NFKB1: variants seen among roughly 807,000 people sequenced by gnomAD.
The protein encoded by NFKB1 is nuclear factor kappa B subunit 1, also known as nuclear factor NF-kappa-B p105 subunit.
In NFKB1, 9 loss-of-function variants were observed where a neutral mutation model predicts 105.1. The ratio of observed to expected loss-of-function variants is 0.09; its 90% confidence interval spans 0.05 to 0.15. NFKB1 has a LOEUF of 0.15. NFKB1 is among the 10% of genes least tolerant of loss of function. The probability of loss-of-function intolerance (pLI) is 1.00; values close to 1 mark genes in which losing one functional copy is unlikely to be tolerated. For missense variants in NFKB1, 830 were observed against 1,203.7 expected, an observed-to-expected ratio of 0.69 and a Z score of 4.59; for synonymous variants, 440 against 442.2, an observed-to-expected ratio of 1.00 and a Z score of 0.06.
intron 16 of NFKB1, among the ~76,000 whole-genome samples, chr4:102,601,822 C>T (rs1323094457): frequency 6.6e-6 from 1 of 152,194 alleles, no homozygotes; most frequent in African/African-American, 2.4e-5. Context: ...AGATGGGGTT[C>T]GGCTCCTGAG....
chr4:102,560,810 G>A (rs747156820), intron 5 of NFKB1, among the ~76,000 whole-genome samples: 1 of 152,106 alleles, frequency 6.6e-6, no homozygotes, highest in Non-Finnish European at 1.5e-5. Flanking sequence ...AGGGACTTTC[G>A]GAGGCCCAAG....
intron 5 of NFKB1, among the ~76,000 whole-genome samples, chr4:102,557,884 T>C (rs1723107758): frequency 6.6e-6 from 1 of 152,104 alleles, no homozygotes; most frequent in African/African-American, 2.4e-5. Flanking sequence ...GTTAGATTCC[T>C]TTTTACCAGA....
At position 102,505,880 on chromosome 4, in the gene NFKB1, T is replaced by G. The variant is rs1411805965; in HGVS notation, c.-8+4092T>G. On this transcript the variant is annotated intron_variant, in intron 1 of 23. Transcript: ENST00000226574. ...AATGATATGAAGTTGTTGCAAAATT[T>G]TTTTTTAAATGGACAGCCATCTTCT... 2.0e-5 allele frequency among the ~76,000 whole-genome samples: 3 copies of G among 152,270 alleles called. No homozygotes were observed. In the East Asian group the frequency reaches 5.8e-4, roughly 29 times the overall value.
intron 2 of NFKB1, among the ~76,000 whole-genome samples, chr4:102,528,925 C>T (rs975215120): frequency 6.6e-6 from 1 of 152,024 alleles, no homozygotes; most frequent in South Asian, 2.1e-4. Flanking sequence ...TTCCTTCTTG[C>T]AGCTCTCATC....
At chr4:102,610,833 A>G in intron 20 of NFKB1, 134 bp downstream of exon 20, 1 of 1,172,826 alleles carries the variant, frequency 8.5e-7, no homozygotes, top group Non-Finnish European at 1.2e-6. Context: ...TCTGTTTGTC[A>G]GAGACCATTT....
At chr4:102,612,021 T>C in intron 20 of NFKB1, 23 bp from the exon 21 acceptor site, 1 of 1,603,580 alleles carries the variant, frequency 6.2e-7, no homozygotes, top group African/African-American at 1.3e-5. Context: ...TATAACGATT[T>C]CTGGTGTTTT....
intron 6 of NFKB1, among the ~76,000 whole-genome samples, chr4:102,569,196 G>A (rs1310516678): frequency 6.6e-6 from 1 of 152,082 alleles, no homozygotes; most frequent in East Asian, 1.9e-4. Flanking sequence ...TTGCATTTAT[G>A]TAGAAAGAAC....
Position 102,587,457 on chromosome 4 carries a change from T to C in NFKB1, c.1066+2637T>C, listed in dbSNP as rs758502758. Among the ~76,000 whole-genome samples, 3 of 152,048 alleles carry C rather than the reference T, an allele frequency of 2.0e-5. 1 individual carries two copies. Among genetic ancestry groups the C allele is most frequent in the African/African-American group, 4.8e-5 (2 of 41,374 alleles). ...ACCTAGAAACATTCAAAGCTCAGCT[T>C]GGTATCTAGGCTGCCTGTCTCCCTT... On this transcript the variant is annotated intron_variant, in intron 11 of 23. Transcript: ENST00000226574.
At chr4:102,581,596 G>A (rs1725317729) in intron 9 of NFKB1, among the ~76,000 whole-genome samples, 1 of 152,114 alleles carries the variant, frequency 6.6e-6, no homozygotes, top group East Asian at 1.9e-4. Flanking sequence ...TGAGGCTGTA[G>A]TGAGCTATTA....
chr4:102,507,023 GTAACTAATATAATTATATTTAATATA>G (rs1739460625), intron 1 of NFKB1, among the ~76,000 whole-genome samples: 1 of 145,266 alleles, frequency 6.9e-6, no homozygotes, highest in Non-Finnish European at 1.5e-5. Flanking sequence ...ATACATATTT[GTAACTAATATAATTATATTTAATATA>G]TATTAGTTAC....
intron 2 of NFKB1, 28 bp from the exon 3 acceptor site, chr4:102,529,808 T>G: frequency 2.0e-6 from 3 of 1,487,678 alleles, no homozygotes; most frequent in Non-Finnish European, 1.9e-6. Flanking sequence ...AAATAATGAT[T>G]GAAACATTTA....
chr4:102,524,196 T>C (rs996208923), intron 1 of NFKB1, among the ~76,000 whole-genome samples: 5 of 152,086 alleles, frequency 3.3e-5, no homozygotes, highest in African/African-American at 1.2e-4. Context: ...AGGAAGTAAA[T>C]CTCAAATGAT....
At chr4:102,533,965 T>G (rs745758938) in intron 4 of NFKB1, 80 bp downstream of exon 4, 46 of 1,201,864 alleles carry the variant, frequency 3.8e-5, no homozygotes, top group Non-Finnish European at 5.1e-5. Context: ...GAATAGTAAA[T>G]GAGTTCTATG....
intron 5 of NFKB1, among the ~76,000 whole-genome samples, chr4:102,551,445 C>G (rs1253563636): frequency 6.6e-6 from 1 of 151,942 alleles, no homozygotes; most frequent in African/African-American, 2.4e-5. Flanking sequence ...CACCTCCTGG[C>G]TAGATAGTCT....
At position 102,584,938 on chromosome 4, in the gene NFKB1, A is replaced by G. The variant is rs1598858; in HGVS notation, c.1066+118A>G. ...ACTCTGTTGCCCAGGCTGGAGTGCA[A>G]TGGTGCAATCATAGCTCACTGCAAC... On this transcript the variant is annotated intron_variant, in intron 11 of 23. Coordinates refer to ENST00000226574, the MANE Select transcript of NFKB1 (RefSeq NM_003998.4). 304,870 of 932,304 alleles carry G rather than the reference A, an allele frequency of 0.33. 53,844 individuals are homozygous for G. Among genetic ancestry groups the G allele is most frequent in the Admixed American group, 0.46 (16,531 of 35,764 alleles). The allele number at this position is 932,304 out of a possible 1,614,324, so 57.8% of individuals were successfully genotyped here. A position where few individuals can be genotyped will look rare whatever the true frequency, so the allele number is the denominator to read the frequency against.
rs199963002 is a variant in NFKB1 at position 102,520,396 on chromosome 4, AG to A, written c.-7-5115del. 5.8e-3 allele frequency among the ~76,000 whole-genome samples: 891 copies of A among 152,324 alleles called. 6 individuals are homozygous for A. The highest frequency in any genetic ancestry group is 0.019 in the African/African-American group (810 of 41,574). ...CTGTGTATTATACTCGGTGTTAATA[AG>A]CTTTGTATGAACTCACTAGCTGAAT... On this transcript the variant is annotated intron_variant, in intron 1 of 23. Transcript: ENST00000226574.
chr4:102,614,916 A>G (rs1728800191), intron 23 of NFKB1, among the ~76,000 whole-genome samples: 1 of 152,026 alleles, frequency 6.6e-6, no homozygotes, highest in South Asian at 2.1e-4. Context: ...ACAAAACCCA[A>G]GAATTCCTCA....
chr4:102,607,867 G>C lies in NFKB1; in HGVS notation c.2227+116G>C, dbSNP rs4648100. On this transcript the variant is annotated intron_variant, in intron 19 of 23. Transcript: ENST00000226574. ...CCACAGACCTACTGCTGAAAAACAA[G>C]GGTAAATAAAAATTATATGGCAAAT... 7.7e-4 allele frequency: 651 copies of C among 850,714 alleles called. 2 individuals carry two copies. The African/African-American group carries it at 9.5e-3, about 12-fold the overall frequency. 52.7% of individuals were successfully genotyped at this position (850,714 alleles called of 1,614,324 possible). A position where few individuals can be genotyped will look rare whatever the true frequency, so the allele number is the denominator to read the frequency against.
intron 23 of NFKB1, among the ~76,000 whole-genome samples, chr4:102,615,665 C>T (rs1395906933): frequency 6.6e-6 from 1 of 152,146 alleles, no homozygotes; most frequent in African/African-American, 2.4e-5. Context: ...TTTAGGATAT[C>T]GCATAGTTTG....
Sources: allele counts gnomAD v4.1 joint callset (sites outside exome capture counted in the v4.1 genomes callset), GRCh38; gene constraint gnomAD v4.1.1; transcripts MANE v1.5; gene names NCBI Gene and HGNC (gene_info 2026-07-23, HGNC 2026-07-21).